BICDL1: variants seen among roughly 807,000 people sequenced by gnomAD.
The protein encoded by BICDL1 is BICD family-like cargo adapter 1.
A neutral mutation model predicts 76.8 loss-of-function variants in BICDL1; 20 were observed. The observed-to-expected ratio is 0.26, with a 90% confidence interval of 0.18 to 0.38. The LOEUF is 0.38. Ranked by LOEUF, BICDL1 falls within the 10% of genes least tolerant of loss-of-function variation. The pLI is 1.00. For missense variants in BICDL1, 700 were observed against 798.6 expected, an observed-to-expected ratio of 0.88 and a Z score of 1.49; for synonymous variants, 383 against 337.1, an observed-to-expected ratio of 1.14 and a Z score of -1.49.
chr12:120,072,846 G>C (rs1873213187), intron 6 of BICDL1, 117 bp downstream of exon 6: 2 of 836,158 alleles, frequency 2.4e-6, no homozygotes, highest in South Asian at 3.3e-5. Flanking sequence ...ATATCTGCAA[G>C]AATTCTTCTG....
At chr12:120,091,137 C>T in intron 9 of BICDL1, 1 of 1,229,766 alleles carries the variant, frequency 8.1e-7, no homozygotes, top group Non-Finnish European at 1.0e-6. Flanking sequence ...CATCTCTGTG[C>T]AGTGTGACAT....
chr12:119,998,853 C>G (rs979345656), intron 2 of BICDL1, 117 bp downstream of exon 2: 8 of 960,082 alleles, frequency 8.3e-6, no homozygotes, highest in Non-Finnish European at 1.2e-5. Flanking sequence ...AGAAGCACTT[C>G]AGACCAATCT....
At chr12:120,045,774 TG>T (rs1191658802) in intron 2 of BICDL1, among the ~76,000 whole-genome samples, 1 of 31,096 alleles carries the variant, frequency 3.2e-5, no homozygotes, top group Non-Finnish European at 5.9e-5. Flanking sequence ...TGTTGTGGGA[TG>T]GGGGGAGGGG....
intron 8 of BICDL1, among the ~76,000 whole-genome samples, chr12:120,088,016 G>C (rs1189681429): frequency 6.6e-6 from 1 of 151,400 alleles, no homozygotes; most frequent in Non-Finnish European, 1.5e-5. Flanking sequence ...TGTAACCTCC[G>C]CCTCCTGGAT....
At chr12:120,091,672 G>A in intron 9 of BICDL1, 7 of 985,272 alleles carry the variant, frequency 7.1e-6, no homozygotes, top group Non-Finnish European at 7.2e-6. Context: ...AGGCTGGAGA[G>A]CAGGCCCTGA....
intron 2 of BICDL1, among the ~76,000 whole-genome samples, chr12:120,032,097 GA>G (rs1182327720): frequency 6.6e-6 from 1 of 152,106 alleles, no homozygotes; most frequent in East Asian, 1.9e-4. Flanking sequence ...ATTTCAAAAA[GA>G]AAATACTTCC....
At chr12:119,998,455 C>T (rs1180624736) in intron 1 of BICDL1, 66 bp from the exon 2 acceptor site, 17 of 1,423,878 alleles carry the variant, frequency 1.2e-5, no homozygotes, top group African/African-American at 7.2e-5. Flanking sequence ...TGGGACAGCG[C>T]GGAGAGAAAA....
rs1029457633 is a variant in BICDL1 at position 120,071,506 on chromosome 12, C to T, written c.910-116C>T. The T allele has an allele frequency of 5.9e-6, 8 of 1,359,056 alleles. No homozygotes were observed. In the African/African-American group the frequency reaches 7.4e-5, roughly 13 times the overall value. The allele number at this position is 1,359,056 out of a possible 1,614,324, so 84.2% of individuals were successfully genotyped here. A position where few individuals can be genotyped will look rare whatever the true frequency, so the allele number is the denominator to read the frequency against. Reference sequence around the variant, plus strand: ...GATGTAGTTTAACATGTTCTTCTCTCCTATTTATTTTTCTATAAATTGGTG... The same window carrying T: ...GATGTAGTTTAACATGTTCTTCTCTTCTATTTATTTTTCTATAAATTGGTG... On this transcript the variant is annotated intron_variant, in intron 4 of 9. Transcript: ENST00000548673. The surrounding 1 kb of genome is among the most constrained non-coding windows in gnomAD (Gnocchi z 4.8).
chr12:119,991,607 A>G (rs1329964676), intron 1 of BICDL1, among the ~76,000 whole-genome samples: 1 of 152,152 alleles, frequency 6.6e-6, no homozygotes, highest in Non-Finnish European at 1.5e-5. Flanking sequence ...TAGAAATAAA[A>G]AGCCTTCCTT....
rs1184708008 is a variant in BICDL1 at position 120,046,433 on chromosome 12, C to T, written c.646-15277C>T. On this transcript the variant is annotated intron_variant, in intron 2 of 9. Transcript: ENST00000548673. ...TATAGTAACAGCAACAGCTAACACA[C>T]GTACTGCCTACTGTGTACCAGACAC... Among the ~76,000 whole-genome samples, 7 of 152,172 alleles carry T rather than the reference C, an allele frequency of 4.6e-5. No individual in the cohort carries two copies. The South Asian group carries it at 6.2e-4, about 14-fold the overall frequency.
chr12:120,056,072 A>G (rs1952965288), intron 2 of BICDL1, among the ~76,000 whole-genome samples: 1 of 152,248 alleles, frequency 6.6e-6, no homozygotes. Flanking sequence ...AGATACATAC[A>G]TATGAATAGA....
At chr12:120,054,785 C>T (rs527646862) in intron 2 of BICDL1, among the ~76,000 whole-genome samples, 1 of 152,204 alleles carries the variant, frequency 6.6e-6, no homozygotes, top group East Asian at 1.9e-4. Context: ...AAGGCTGAGG[C>T]AGGAGAATCA....
At chr12:120,045,469 C>T (rs557790091) in intron 2 of BICDL1, among the ~76,000 whole-genome samples, 8 of 152,222 alleles carry the variant, frequency 5.3e-5, no homozygotes, top group East Asian at 3.9e-4. Context: ...CACATGCACA[C>T]GTATGTTTAT....
At chr12:120,061,895 T>A (rs527811102) in intron 3 of BICDL1, 69 bp downstream of exon 3, 1 of 1,052,852 alleles carries the variant, frequency 9.5e-7, no homozygotes, top group Non-Finnish European at 1.5e-6. Context: ...AAAACTGCTC[T>A]ATGTAAAAGG....
chr12:120,077,490 T>C (rs1028071321), intron 7 of BICDL1, among the ~76,000 whole-genome samples: 6 of 151,698 alleles, frequency 4.0e-5, no homozygotes, highest in Non-Finnish European at 2.9e-5. Flanking sequence ...GGTGAGGCCC[T>C]CAGCCAGTTC....
chr12:120,027,979 C>T (rs1225982469), intron 2 of BICDL1, among the ~76,000 whole-genome samples: 2 of 152,168 alleles, frequency 1.3e-5, no homozygotes, highest in Admixed American at 1.3e-4. Context: ...GTTTTTAAGG[C>T]AGAGTTTTAA....
intron 2 of BICDL1, among the ~76,000 whole-genome samples, chr12:120,010,366 A>T (rs1205770060): frequency 6.6e-6 from 1 of 152,206 alleles, no homozygotes. Context: ...GAAAGGTCTA[A>T]TTTTTCTTAA....
chr12:120,004,928 TCTC>T (rs1951823122), intron 2 of BICDL1, among the ~76,000 whole-genome samples: 1 of 152,098 alleles, frequency 6.6e-6, no homozygotes, highest in African/African-American at 2.4e-5. Flanking sequence ...TTCAAGGGAT[TCTC>T]CTGTCTCAGC....
chr12:120,056,349 C>G (rs1952970851), intron 2 of BICDL1, among the ~76,000 whole-genome samples: 1 of 152,170 alleles, frequency 6.6e-6, no homozygotes, highest in African/African-American at 2.4e-5. Context: ...TTACTGGCTG[C>G]TTAGTTAGGC....
Sources: gnomAD v4.1 joint callset for allele counts (sites outside exome capture counted in the v4.1 genomes callset) on GRCh38, gnomAD v4.1.1 for gene constraint, Gnocchi (gnomAD v3.1) non-coding constraint, MANE v1.5 for transcripts, NCBI Gene and HGNC (gene_info 2026-07-23, HGNC 2026-07-21) for gene names.